The following ZFPM1 variants were observed in gnomAD, a reference collection of about 807,000 sequenced individuals.
ZFPM1 encodes the protein zinc finger protein ZFPM1.
Under a neutral mutation model 46.3 loss-of-function variants are expected in ZFPM1, and 28 were observed. That is an observed-to-expected ratio of 0.60 (90% CI 0.45 to 0.83). ZFPM1 has a LOEUF of 0.83. ZFPM1 is among the 40% of genes least tolerant of loss of function. The pLI is 0.00. For missense variants in ZFPM1, 1,878 were observed against 1,432.4 expected, an observed-to-expected ratio of 1.31 and a Z score of -5.02; for synonymous variants, 957 against 675.9, an observed-to-expected ratio of 1.42 and a Z score of -6.45.
intron 3 of ZFPM1, 63 bp from the exon 4 acceptor site, chr16:88,514,324 C>G: frequency 6.5e-7 from 1 of 1,542,114 alleles, no homozygotes; most frequent in Non-Finnish European, 8.7e-7. Flanking sequence ...CCAACCCTAG[C>G]GGGAGGTGGG....
intron 4 of ZFPM1, among the ~76,000 whole-genome samples, chr16:88,518,857 CGGTT>C (rs1344274451): frequency 2.5e-5 from 3 of 118,924 alleles, no homozygotes; most frequent in Non-Finnish European, 5.2e-5. Context: ...GATGGATTGA[CGGTT>C]GGGTGGATGG....
chr16:88,479,924 G>A (rs918399777), intron 1 of ZFPM1, among the ~76,000 whole-genome samples: 2 of 135,232 alleles, frequency 1.5e-5, no homozygotes, highest in African/African-American at 2.7e-5. Context: ...ACCCCCCGCC[G>A]AAGGAGGAAG....
At chr16:88,468,236 G>A (rs1047094542) in intron 1 of ZFPM1, among the ~76,000 whole-genome samples, 5 of 148,016 alleles carry the variant, frequency 3.4e-5, no homozygotes, top group African/African-American at 1.0e-4. Flanking sequence ...TCAAGCACCC[G>A]CGAGCCCACC....
intron 3 of ZFPM1, 31 bp from the exon 4 acceptor site, chr16:88,514,356 C>T: frequency 6.4e-7 from 1 of 1,556,578 alleles, no homozygotes. Flanking sequence ...CCAGACCGGG[C>T]ACGCCTCATG....
rs1205452736 is a variant in ZFPM1 at position 88,532,130 on chromosome 16, A to T, written c.841A>T (p.Lys281Ter). The T allele has an allele frequency of 6.2e-7, 1 of 1,612,440 alleles. No homozygotes were observed. The highest frequency in any genetic ancestry group is 8.5e-7 in the Non-Finnish European group (1 of 1,179,774). Residue 281 changes from lysine (K) to a stop codon, truncating the protein, a stop_gained, in exon 7 of 10, where the codon AAG becomes TAG. Transcript: ENST00000319555. LOFTEE classifies it high-confidence loss of function. ...GSPAAAATDE[K>*]PKETYPNERV... Reference sequence around the variant, plus strand: ...CCCGGCCGCAGCCGCCACAGACGAGAAGCCCAAAGAGACCTACCCCAACGA... The same window carrying T: ...CCCGGCCGCAGCCGCCACAGACGAGTAGCCCAAAGAGACCTACCCCAACGA...
chr16:88,514,440 AGCCTCGCCACGG>A lies in ZFPM1; in HGVS notation c.327_338del (p.Ala110_Leu113del). The A allele has an allele frequency of 6.4e-7, 1 of 1,558,388 alleles. No individual in the cohort carries two copies. Among genetic ancestry groups the A allele is most frequent in the Non-Finnish European group, 8.7e-7 (1 of 1,151,384 alleles). On this transcript the variant is annotated inframe_deletion, in exon 4 of 10. Transcript: ENST00000319555. The stretch of plus-strand genomic sequence containing the variant: ...GCAGAGGCGCATACGGGCCCGACTC[AGCCTCGCCACGG>A]GCCTGTCCTGGGGCCCGTTCCATGG...
chr16:88,484,703 G>A (rs562867480), intron 1 of ZFPM1, among the ~76,000 whole-genome samples: 1 of 152,258 alleles, frequency 6.6e-6, no homozygotes, highest in South Asian at 2.1e-4. Flanking sequence ...CTGGGGACCT[G>A]GGGAGCAGTC....
At position 88,534,517 on chromosome 16, in the gene ZFPM1, C is replaced by T. The variant is rs768920989; in HGVS notation, c.2559C>T (p.Ala853=). The T allele has an allele frequency of 2.1e-6, 3 of 1,442,164 alleles. No individual in the cohort carries two copies. The highest frequency in any genetic ancestry group is 5.1e-5 in the Admixed American group (2 of 39,528). 89.3% of individuals were successfully genotyped at this position (1,442,164 alleles called of 1,614,324 possible). ...APPPGALGLP[A]AACPYCPPNG... ...CGCCCGGCGCGCTCGGCCTGCCCGC[C>T]GCCGCCTGCCCCTACTGCCCCCCGA... Residue 853 remains alanine, a synonymous_variant, in exon 10 of 10, where the codon GCC becomes GCT. Transcript: ENST00000319555.
In ZFPM1 at chr16:88,517,470, G is replaced by A. The variant is rs559222665; in HGVS notation, c.402+2950G>A. Among the ~76,000 whole-genome samples the A allele has an allele frequency of 4.2e-5, 6 of 142,930 alleles. No individual in the cohort carries two copies. The South Asian group carries it at 7.1e-4, about 17-fold the overall frequency. The allele number at this position is 142,930 out of a possible 152,430, so 93.8% of individuals were successfully genotyped here. ...CAGATGTGTAGGTAAATGGATGGAT[G>A]GCTGGGTGGATGGATGGATGGATGG... On this transcript the variant is annotated intron_variant, in intron 4 of 9. Transcript: ENST00000319555.
At chr16:88,478,805 A>C (rs943400070) in intron 1 of ZFPM1, among the ~76,000 whole-genome samples, 2 of 152,158 alleles carry the variant, frequency 1.3e-5, no homozygotes, top group African/African-American at 4.8e-5. Context: ...CAAGGGCGGC[A>C]GGGGAAGGAG....
chr16:88,504,703 G>A (rs117980757), intron 3 of ZFPM1, among the ~76,000 whole-genome samples: 3 of 152,178 alleles, frequency 2.0e-5, no homozygotes, highest in African/African-American at 7.2e-5. Context: ...GCCCCAGACG[G>A]GGCCAAGGTA....
chr16:88,507,249 G>A (rs1014095724), intron 3 of ZFPM1, among the ~76,000 whole-genome samples: 3 of 152,108 alleles, frequency 2.0e-5, no homozygotes, highest in Non-Finnish European at 2.9e-5. Context: ...TTTCACAGAC[G>A]AGAGCAGGAG....
chr16:88,476,773 C>G (rs1022349293), intron 1 of ZFPM1, among the ~76,000 whole-genome samples: 1 of 152,186 alleles, frequency 6.6e-6, no homozygotes, highest in African/African-American at 2.4e-5. Context: ...TCGACTTGAA[C>G]ATACATACGA....
chr16:88,495,061 G>A (rs1343408609), intron 3 of ZFPM1, among the ~76,000 whole-genome samples: 1 of 152,224 alleles, frequency 6.6e-6, no homozygotes, highest in Non-Finnish European at 1.5e-5. Context: ...TCATCCTGCA[G>A]GCCCGTCCCA....
chr16:88,475,206 C>T (rs910966913), intron 1 of ZFPM1, among the ~76,000 whole-genome samples: 1 of 152,260 alleles, frequency 6.6e-6, no homozygotes, highest in Non-Finnish European at 1.5e-5. Context: ...CAGGTGGACG[C>T]TCCCGTGGGG....
rs1368055828 is a variant in ZFPM1, at chr16:88,535,254, GC to G, written c.*278del. 1 of 290,908 alleles carries G rather than the reference GC, an allele frequency of 3.4e-6. No individual in the cohort carries two copies. The highest frequency in any genetic ancestry group is 2.2e-5 in the African/African-American group (1 of 45,616). The allele number at this position is 290,908 out of a possible 1,614,324, so 18.0% of individuals were successfully genotyped here. A position where few individuals can be genotyped will look rare whatever the true frequency, so the allele number is the denominator to read the frequency against. On this transcript the variant is annotated 3_prime_UTR_variant, in exon 10 of 10. Coordinates refer to ENST00000319555, the MANE Select transcript of ZFPM1 (RefSeq NM_153813.3). ...CCTGCTGTGTACACAGGCCACTGCG[GC>G]CCGGAGTGGCTGGGCCCCTGCCGGA...
chr16:88,481,836 C>T (rs930549185), intron 1 of ZFPM1, among the ~76,000 whole-genome samples: 4 of 152,160 alleles, frequency 2.6e-5, no homozygotes, highest in East Asian at 1.9e-4. Flanking sequence ...TGCTGAGCAC[C>T]GCCCGTCCAG....
At position 88,497,388 on chromosome 16, in the gene ZFPM1, G is replaced by T. The variant is rs1323126396; in HGVS notation, c.268+8235G>T. On this transcript the variant is annotated intron_variant, in intron 3 of 9. Coordinates refer to ENST00000319555, the MANE Select transcript of ZFPM1 (RefSeq NM_153813.3). This position sits in a 1 kb window ranked among gnomAD's most constrained non-coding sequence, Gnocchi z 5.4. ...GGTCAGTGGTGGCTGGAACATCAGG[G>T]CCCGGGCGGGGATGGGGTTCAGAGG... Among the ~76,000 whole-genome samples the T allele has an allele frequency of 6.6e-6, 1 of 151,194 alleles. No homozygotes were observed. The highest frequency in any genetic ancestry group is 2.4e-5 in the African/African-American group (1 of 41,044).
At chr16:88,506,558 T>A (rs1325682153) in intron 3 of ZFPM1, among the ~76,000 whole-genome samples, 3 of 152,162 alleles carry the variant, frequency 2.0e-5, no homozygotes, top group African/African-American at 7.2e-5. Context: ...GTGGTGGCCA[T>A]CACTGGGTGT....
Sources: allele counts gnomAD v4.1 joint callset (sites outside exome capture counted in the v4.1 genomes callset), GRCh38; gene constraint gnomAD v4.1.1; non-coding constraint Gnocchi (gnomAD v3.1); transcripts MANE v1.5; gene names NCBI Gene and HGNC (gene_info 2026-07-23, HGNC 2026-07-21).